The following GRAMD1B variants were observed in gnomAD, a reference collection of about 807,000 sequenced individuals.
GRAMD1B encodes the protein protein Aster-B.
GRAMD1B carries 37 observed loss-of-function variants against 99.7 expected under a neutral mutation model. That is an observed-to-expected ratio of 0.37 (90% CI 0.29 to 0.49). The LOEUF (loss-of-function observed/expected upper bound fraction) is 0.49. Among genes scored for constraint, GRAMD1B ranks in the 20% least tolerant of loss-of-function variants. GRAMD1B has a pLI of 0.98. For synonymous variants in GRAMD1B, 427 were observed against 387.6 expected (o/e 1.10, Z -1.19); for missense variants, 888 against 1,009.2 (o/e 0.88, Z 1.63).
At chr11:123,501,001 G>A (rs533828024) in intron 2 of GRAMD1B, among the ~76,000 whole-genome samples, 56 of 152,140 alleles carry the variant, frequency 3.7e-4, no homozygotes, top group Admixed American at 5.9e-4. Context: ...GGCATATTGC[G>A]TGCTTAACAC....
intron 2 of GRAMD1B, among the ~76,000 whole-genome samples, chr11:123,548,619 A>AATAT (rs58404901): frequency 5.9e-4 from 89 of 150,612 alleles, no homozygotes; most frequent in Admixed American, 2.3e-3. Context: ...GCTTGAAATG[A>AATAT]ATATATATAT....
chr11:123,619,963 C>T (rs1224409469), intron 19 of GRAMD1B, among the ~76,000 whole-genome samples: 1 of 152,204 alleles, frequency 6.6e-6, no homozygotes, highest in Non-Finnish European at 1.5e-5. Context: ...TAAAGAGTTG[C>T]CTTTCTGATG....
intron 6 of GRAMD1B, 62 bp downstream of exon 6, chr11:123,594,900 C>T (rs988490965): frequency 4.3e-5 from 36 of 843,328 alleles, no homozygotes; most frequent in African/African-American, 3.6e-4. Context: ...AAGCTGCCCT[C>T]GCTTTCTTCC....
At chr11:123,545,742 A>C (rs1156248046) in intron 2 of GRAMD1B, among the ~76,000 whole-genome samples, 1 of 57,584 alleles carries the variant, frequency 1.7e-5, no homozygotes. Context: ...TTTTCATGAA[A>C]TCTTTCTCTT....
chr11:123,387,331 G>A (rs958697110), intron 1 of GRAMD1B, among the ~76,000 whole-genome samples: 4 of 152,116 alleles, frequency 2.6e-5, no homozygotes, highest in South Asian at 2.1e-4. Context: ...TGGATGCCAC[G>A]CACTCCAGAA....
chr11:123,584,038 C>T (rs1949766643), intron 3 of GRAMD1B, among the ~76,000 whole-genome samples: 1 of 152,088 alleles, frequency 6.6e-6, no homozygotes, highest in Admixed American at 6.5e-5. Flanking sequence ...TGCGATGGGG[C>T]TCCGACTCCC....
rs189683618 is a variant in GRAMD1B at position 123,518,231 on chromosome 11, A to G, written c.452+37338A>G. ...TCTCGTGATCCGGGACACGGGGATGAGCAAGCATGCAGAGAAACCAACACT... is the reference window on the plus strand; with the variant it reads ...TCTCGTGATCCGGGACACGGGGATGGGCAAGCATGCAGAGAAACCAACACT... On this transcript the variant is annotated intron_variant, in intron 2 of 19. Coordinates refer to ENST00000635736, the MANE Select transcript of GRAMD1B (RefSeq NM_001387025.1). 1.5e-3 allele frequency among the ~76,000 whole-genome samples: 221 copies of G among 152,290 alleles called. 2 individuals are homozygous for G. Among genetic ancestry groups the G allele is most frequent in the African/African-American group, 5.0e-3 (209 of 41,558 alleles).
At chr11:123,426,547 T>C (rs1161263448), upstream of GRAMD1B, among the ~76,000 whole-genome samples, 3 of 151,742 alleles carry the variant, frequency 2.0e-5, no homozygotes, top group African/African-American at 4.9e-5. Flanking sequence ...CCACTTCTTC[T>C]ATGCTCACTG....
chr11:123,361,336 C>T (rs1387227315), intron 1 of GRAMD1B, among the ~76,000 whole-genome samples: 1 of 152,184 alleles, frequency 6.6e-6, no homozygotes, highest in Non-Finnish European at 1.5e-5. Context: ...CAACTGTCGG[C>T]TGCTTTTGCA....
At chr11:123,501,672 C>A (rs1939877030) in intron 2 of GRAMD1B, among the ~76,000 whole-genome samples, 1 of 152,166 alleles carries the variant, frequency 6.6e-6, no homozygotes, top group Non-Finnish European at 1.5e-5. Context: ...AGCTTCAAAA[C>A]CAGACAGAAC....
chr11:123,494,978 C>T (rs145053662), intron 2 of GRAMD1B, among the ~76,000 whole-genome samples: 27 of 152,154 alleles, frequency 1.8e-4, no homozygotes, highest in Middle Eastern at 6.8e-3. Flanking sequence ...CATGTAAGCT[C>T]GGGAGAGCTC....
At chr11:123,609,495 A>G (rs1382212816) in intron 12 of GRAMD1B, among the ~76,000 whole-genome samples, 1 of 152,196 alleles carries the variant, frequency 6.6e-6, no homozygotes, top group Non-Finnish European at 1.5e-5. Context: ...CCCTCGCCAC[A>G]GTAACACCAG....
At chr11:123,531,730 G>GGTT (rs750510512) in intron 2 of GRAMD1B, among the ~76,000 whole-genome samples, 1 of 78,082 alleles carries the variant, frequency 1.3e-5, no homozygotes, top group African/African-American at 4.3e-5. Context: ...TTGCTAGATG[G>GGTT]TTTTTTTTTT....
chr11:123,583,371 GCA>G lies in GRAMD1B; in HGVS notation c.664-939_664-938del, dbSNP rs1312701211. On this transcript the variant is annotated intron_variant, in intron 3 of 19. Transcript: ENST00000635736. Reference sequence around the variant, plus strand: ...CGTGTGCATGTGTGTATGTGTGTGTGCACGTGTGTGGTGTGTATGTGTGCGTG... The same window carrying G: ...CGTGTGCATGTGTGTATGTGTGTGTGCGTGTGTGGTGTGTATGTGTGCGTG... Among the ~76,000 whole-genome samples, 20 of 145,772 alleles carry G rather than the reference GCA, an allele frequency of 1.4e-4. 3 individuals are homozygous for G. Among genetic ancestry groups the G allele is most frequent in the African/African-American group, 5.1e-4 (20 of 39,272 alleles).
rs894915963 is a variant in GRAMD1B at position 123,613,563 on chromosome 11, A to C, written c.2132A>C (p.His711Pro). ...TTTVRRRKRP[H>P]AHLRVPHLEE... Reference sequence around the variant, plus strand: ...ACGGTGCGGAGGAGGAAGCGTCCCCATGCCCACCTGCGAGTCCCTCACCTG... The same window carrying C: ...ACGGTGCGGAGGAGGAAGCGTCCCCCTGCCCACCTGCGAGTCCCTCACCTG... The change falls in exon 16 of 20, where the codon CAT (histidine) becomes CCT (proline). Residue 711 changes from histidine (H) to proline (P), a missense_variant. By Grantham distance (77) the His-to-Pro change is moderately conservative. Transcript: ENST00000635736. The C allele has an allele frequency of 6.2e-7, 1 of 1,613,820 alleles. No individual in the cohort carries two copies. The highest frequency in any genetic ancestry group is 2.2e-5 in the East Asian group (1 of 44,860).
intron 1 of GRAMD1B, among the ~76,000 whole-genome samples, chr11:123,359,025 T>C (rs1946048841): frequency 6.6e-6 from 1 of 152,184 alleles, no homozygotes; most frequent in South Asian, 2.1e-4. Context: ...TGAGAGTTTG[T>C]GTCCCCAGGA....
chr11:123,455,255 C>A (rs915742306), intron 1 of GRAMD1B, among the ~76,000 whole-genome samples: 4 of 152,088 alleles, frequency 2.6e-5, no homozygotes, highest in African/African-American at 9.7e-5. Context: ...GAACTAAAAT[C>A]AAAACAGATT....
intron 1 of GRAMD1B, among the ~76,000 whole-genome samples, chr11:123,388,129 C>CAA (rs34085785): frequency 0.048 from 3,459 of 71,322 alleles, 107 homozygotes; most frequent in Middle Eastern, 0.08. Flanking sequence ...TCCTCCTCCT[C>CAA]AAAAAAAAAA....
intron 1 of GRAMD1B, among the ~76,000 whole-genome samples, chr11:123,382,997 C>G (rs1299123150): frequency 6.6e-6 from 1 of 152,168 alleles, no homozygotes; most frequent in African/African-American, 2.4e-5. Flanking sequence ...TTACACTTCT[C>G]AGAAGGGCCA....
Sources: gnomAD v4.1 joint callset for allele counts (sites outside exome capture counted in the v4.1 genomes callset) on GRCh38, gnomAD v4.1.1 for gene constraint, MANE v1.5 for transcripts, NCBI Gene and HGNC (gene_info 2026-07-23, HGNC 2026-07-21) for gene names.